DNAH11: variants seen among roughly 807,000 people sequenced by gnomAD.
DNAH11 encodes dynein axonemal heavy chain 11, also known as axonemal beta dynein heavy chain 11.
DNAH11 carries 442 observed loss-of-function variants against 526.0 expected under a neutral mutation model. That is an observed-to-expected ratio of 0.84 (90% CI 0.78 to 0.91). The LOEUF is 0.91. DNAH11 is among the 40% of genes least tolerant of loss of function. The pLI, the probability that DNAH11 is intolerant of heterozygous loss-of-function variation, is 0.00. For synonymous variants in DNAH11, 2,461 were observed against 1,935.9 expected (o/e 1.27, Z -7.12); for missense variants, 6,989 against 5,448.7 (o/e 1.28, Z -8.90).
chr7:21,804,343 T>A (rs1789151760), intron 62 of DNAH11, among the ~76,000 whole-genome samples: 1 of 152,124 alleles, frequency 6.6e-6, no homozygotes, highest in Non-Finnish European at 1.5e-5. Flanking sequence ...TCTCTTGACC[T>A]CGTGATCCAC....
At position 21,711,852 on chromosome 7, in the gene DNAH11, C is replaced by A; in HGVS notation, c.6975C>A (p.Gly2325=). ...GILYVNPQDL[G]WNPYVASWID... The stretch of plus-strand genomic sequence containing the variant: ...TGTATGTGAACCCACAAGATCTGGG[C>A]TGGAATCCGTGAGTATTTCTTTTTG... The change falls in exon 42 of 82, where the codon GGC becomes GGA. Residue 2325 remains glycine, a synonymous_variant. Coordinates refer to ENST00000409508, the MANE Select transcript of DNAH11 (RefSeq NM_001277115.2). The A allele has an allele frequency of 6.2e-7, 1 of 1,611,984 alleles. No individual in the cohort carries two copies. Among genetic ancestry groups the A allele is most frequent in the Middle Eastern group, 1.7e-4 (1 of 6,060 alleles).
At chr7:21,649,628 G>A (rs1212448444) in intron 28 of DNAH11, among the ~76,000 whole-genome samples, 3 of 151,868 alleles carry the variant, frequency 2.0e-5, no homozygotes, top group African/African-American at 4.8e-5. Flanking sequence ...TGCACCATGA[G>A]GAGTCTTACG....
intron 30 of DNAH11, among the ~76,000 whole-genome samples, chr7:21,671,543 C>CT (rs1267909437): frequency 5.9e-5 from 9 of 151,700 alleles, no homozygotes; most frequent in Admixed American, 1.3e-4. Flanking sequence ...TTTTTTTTCT[C>CT]TTTTTTTTCT....
In DNAH11 at chr7:21,642,115, A is replaced by G. The variant is rs191037658; in HGVS notation, c.4944+3050A>G. ...TGAAGTGGTTACATATATTTTTGAT[A>G]TATTTTGAAATTTTGGGAAAATTTG... On this transcript the variant is annotated intron_variant, in intron 28 of 81. Transcript: ENST00000409508. Among the ~76,000 whole-genome samples the G allele has an allele frequency of 4.6e-5, 7 of 152,296 alleles. No homozygotes were observed. In the East Asian group the frequency reaches 1.2e-3, roughly 25 times the overall value.
intron 22 of DNAH11, among the ~76,000 whole-genome samples, 192 bp from the exon 23 acceptor site, chr7:21,617,427 G>A (rs753188414): frequency 1.3e-5 from 2 of 152,196 alleles, no homozygotes; most frequent in African/African-American, 4.8e-5. Context: ...TGGCTTGTAC[G>A]GAGTGGGCTT....
At chr7:21,771,846 C>A (rs1016957908) in intron 55 of DNAH11, among the ~76,000 whole-genome samples, 1 of 133,562 alleles carries the variant, frequency 7.5e-6, no homozygotes, top group East Asian at 1.9e-4. Flanking sequence ...CCCCAACGCC[C>A]CCCACAAAAA....
Position 21,816,583 on chromosome 7 carries a change from C to A in DNAH11, c.10449C>A (p.Ala3483=). The A allele has an allele frequency of 1.2e-6, 2 of 1,613,486 alleles. No homozygotes were observed. Among genetic ancestry groups the A allele is most frequent in the East Asian group, 2.2e-5 (1 of 44,852 alleles). ...GTGACAGAATGTCCACCGAAAATGC[C>A]GCTATCCTAACACACTGTGAGCGCT... The part of the protein sequence containing the change: ...LPSDRMSTEN[A]AILTHCERWP... Residue 3483 remains alanine (A), a synonymous_variant, in exon 64 of 82, where the codon GCC becomes GCA. Coordinates refer to ENST00000409508, the MANE Select transcript of DNAH11 (RefSeq NM_001277115.2).
In DNAH11 at chr7:21,765,621, C is replaced by G. The variant is rs756120854; in HGVS notation, c.9102+32C>G. On this transcript the variant is annotated intron_variant, in intron 55 of 81. Transcript: ENST00000409508. Reference sequence around the variant, plus strand: ...CGTGTCAGCCTGCGTCACACACACACACACACACACACACACACACACACA... The same window carrying G: ...CGTGTCAGCCTGCGTCACACACACAGACACACACACACACACACACACACA... The G allele has an allele frequency of 1.9e-4, 127 of 684,814 alleles. No individual in the cohort carries two copies. The African/African-American group carries it at 5.7e-3, about 31-fold the overall frequency. The allele number at this position is 684,814 out of a possible 1,614,324, so 42.4% of individuals were successfully genotyped here.
intron 8 of DNAH11, among the ~76,000 whole-genome samples, chr7:21,576,045 A>C (rs1201522351): frequency 3.3e-5 from 5 of 152,194 alleles, no homozygotes; most frequent in Non-Finnish European, 7.3e-5. Context: ...AGTAAGTGCA[A>C]CTAAAACACT....
At chr7:21,619,807 A>C in intron 24 of DNAH11, 149 bp from the exon 25 acceptor site, 1 of 685,946 alleles carries the variant, frequency 1.5e-6, no homozygotes, top group Non-Finnish European at 2.4e-6. Context: ...CCCCATTAGC[A>C]TGAATTACTT....
At chr7:21,869,016 C>T (rs981969326) in intron 73 of DNAH11, 25 bp downstream of exon 73, 1 of 1,613,172 alleles carries the variant, frequency 6.2e-7, no homozygotes, top group Non-Finnish European at 8.5e-7. Context: ...TCAGGGAAGA[C>T]ACTGGGCATA....
chr7:21,604,395 A>G (rs1036362641), intron 18 of DNAH11, among the ~76,000 whole-genome samples: 7 of 152,124 alleles, frequency 4.6e-5, no homozygotes, highest in African/African-American at 1.7e-4. Context: ...ATACTCTGAA[A>G]CAAGATGAAT....
chr7:21,661,778 A>G lies in DNAH11; in HGVS notation c.5328+2747A>G, dbSNP rs569535991. On this transcript the variant is annotated intron_variant, in intron 30 of 81. Coordinates refer to ENST00000409508, the MANE Select transcript of DNAH11 (RefSeq NM_001277115.2). The stretch of plus-strand genomic sequence containing the variant: ...AAACACGGACAATGACAGTACTTGC[A>G]TCGTAGGATCATTAGAAGGATTACT... Among the ~76,000 whole-genome samples the G allele has an allele frequency of 2.6e-5, 4 of 152,234 alleles. No individual in the cohort carries two copies. The East Asian group carries it at 7.7e-4, about 29-fold the overall frequency.
intron 76 of DNAH11, among the ~76,000 whole-genome samples, chr7:21,889,350 T>C (rs576007155): frequency 1.0e-3 from 158 of 152,392 alleles, no homozygotes; most frequent in Admixed American, 1.8e-3. Flanking sequence ...AATGCTGCTA[T>C]GAACTTTTAT....
intron 36 of DNAH11, among the ~76,000 whole-genome samples, chr7:21,698,580 A>G (rs924394857): frequency 7.9e-5 from 12 of 152,164 alleles, no homozygotes; most frequent in South Asian, 2.1e-4. Context: ...TTGGCTTTCC[A>G]TTCCTGAGTT....
chr7:21,899,582 C>G (rs1231943372), intron 80 of DNAH11, 134 bp downstream of exon 80: 3 of 741,502 alleles, frequency 4.0e-6, no homozygotes, highest in Non-Finnish European at 6.7e-6. Flanking sequence ...ATAGAAAGGA[C>G]CAGCAGCTAT....
intron 79 of DNAH11, among the ~76,000 whole-genome samples, chr7:21,896,469 C>T (rs1784520211): frequency 6.6e-6 from 1 of 152,286 alleles, no homozygotes; most frequent in South Asian, 2.1e-4. Context: ...TTTGCCATTC[C>T]TTCCCAAGTA....
chr7:21,673,814 C>T (rs564988295), intron 30 of DNAH11, among the ~76,000 whole-genome samples: 2 of 152,102 alleles, frequency 1.3e-5, no homozygotes, highest in Non-Finnish European at 2.9e-5. Context: ...ATCACCACAA[C>T]CTATTTCTAC....
At chr7:21,725,740 A>G in intron 44 of DNAH11, 71 bp from the exon 45 acceptor site, 3 of 1,468,010 alleles carry the variant, frequency 2.0e-6, no homozygotes, top group Admixed American at 4.3e-5. Context: ...ATTGTTACTC[A>G]TAATTTGTTT....
Sources: gnomAD v4.1 joint callset for allele counts (sites outside exome capture counted in the v4.1 genomes callset) on GRCh38, gnomAD v4.1.1 for gene constraint, MANE v1.5 for transcripts, NCBI Gene and HGNC (gene_info 2026-07-23, HGNC 2026-07-21) for gene names.